PCDH7: variants seen among roughly 807,000 people sequenced by gnomAD.
PCDH7 encodes the protein protocadherin-7.
In PCDH7, 17 loss-of-function variants were observed where a neutral mutation model predicts 58.9. The ratio of observed to expected loss-of-function variants is 0.29; its 90% CI spans 0.20 to 0.43. The LOEUF is 0.43. PCDH7 is among the 20% of genes least tolerant of loss of function. PCDH7 has a pLI of 1.00. For synonymous variants in PCDH7, 664 were observed against 616.4 expected (o/e 1.08, Z -1.14); for missense variants, 1,274 against 1,441.0 (o/e 0.88, Z 1.88).
chr4:30,890,042 T>A (rs1056761966), intron 1 of PCDH7, among the ~76,000 whole-genome samples: 3 of 152,190 alleles, frequency 2.0e-5, no homozygotes, highest in African/African-American at 7.2e-5. Flanking sequence ...TCAGTTCGGC[T>A]TAGGTGTCAG....
chr4:30,954,159 C>G (rs1232777672), intron 3 of PCDH7, among the ~76,000 whole-genome samples: 2 of 152,132 alleles, frequency 1.3e-5, no homozygotes, highest in Non-Finnish European at 2.9e-5. Flanking sequence ...CTCTGCAAGG[C>G]CCTGCACATC....
chr4:31,132,181 G>T (rs568287561), intron 3 of PCDH7, among the ~76,000 whole-genome samples: 2 of 152,204 alleles, frequency 1.3e-5, no homozygotes, highest in South Asian at 4.1e-4. Context: ...TATTGCAGAG[G>T]CTATTTCTTC....
At chr4:31,014,661 A>C (rs774636780) in intron 3 of PCDH7, among the ~76,000 whole-genome samples, 1 of 152,218 alleles carries the variant, frequency 6.6e-6, no homozygotes, top group Non-Finnish European at 1.5e-5. Flanking sequence ...TCTGTCACTT[A>C]CCCACGATGT....
chr4:30,921,893 G>T (rs1376437213), intron 2 of PCDH7, among the ~76,000 whole-genome samples: 1 of 151,810 alleles, frequency 6.6e-6, no homozygotes, highest in African/African-American at 2.4e-5. Context: ...ATGTAATTTG[G>T]ATGTCAGCTT....
intron 3 of PCDH7, among the ~76,000 whole-genome samples, chr4:31,046,210 C>T (rs1449371649): frequency 1.3e-5 from 2 of 151,922 alleles, no homozygotes; most frequent in Non-Finnish European, 2.9e-5. Context: ...TTTCACAACA[C>T]CCCCACTTAA....
intron 3 of PCDH7, among the ~76,000 whole-genome samples, chr4:31,116,827 T>TTTG (rs1218469549): frequency 6.6e-6 from 1 of 152,028 alleles, no homozygotes. Flanking sequence ...GTGGGGTTTT[T>TTTG]TTGTTGTTGT....
At chr4:30,924,006 A>G (rs557806707) in intron 2 of PCDH7, among the ~76,000 whole-genome samples, 1 of 152,354 alleles carries the variant, frequency 6.6e-6, no homozygotes, top group South Asian at 2.1e-4. Flanking sequence ...TAAAAGCACC[A>G]TCTCATTCAA....
At chr4:31,134,227 C>T (rs1206839384) in intron 3 of PCDH7, among the ~76,000 whole-genome samples, 3 of 151,932 alleles carry the variant, frequency 2.0e-5, no homozygotes, top group South Asian at 2.1e-4. Flanking sequence ...TTTGGAAGGC[C>T]GAGGTTGGGG....
At chr4:30,803,223 AT>A (rs552239047) in intron 1 of PCDH7, among the ~76,000 whole-genome samples, 65 of 152,186 alleles carry the variant, frequency 4.3e-4, no homozygotes, top group Non-Finnish European at 8.7e-4. Context: ...ACAGTAGAGC[AT>A]TTTTTTGTTT....
intron 3 of PCDH7, among the ~76,000 whole-genome samples, chr4:31,037,198 C>A (rs79601444): frequency 1.6e-4 from 24 of 152,172 alleles, no homozygotes; most frequent in African/African-American, 5.8e-4. Flanking sequence ...TTTCTCTAAC[C>A]CCATCTCTGC....
chr4:31,099,490 T>C lies in PCDH7; in HGVS notation c.*8-42983T>C, dbSNP rs531944840. Among the ~76,000 whole-genome samples, 35 of 152,348 alleles carry C rather than the reference T, an allele frequency of 2.3e-4. 2 individuals are homozygous for C. The highest frequency in any genetic ancestry group is 7.9e-4 in the African/African-American group (33 of 41,582). On this transcript the variant is annotated intron_variant, in intron 3 of 3. Transcript: ENST00000509759. ...GCAAGATTCATGTTAGGGAAAGTGATGTGGAATAACAGGCTTTGCCTTCAA... is the reference window on the plus strand; with the variant it reads ...GCAAGATTCATGTTAGGGAAAGTGACGTGGAATAACAGGCTTTGCCTTCAA...
intron 1 of PCDH7, among the ~76,000 whole-genome samples, chr4:30,834,902 G>T (rs1730276092): frequency 6.7e-6 from 1 of 150,002 alleles, no homozygotes; most frequent in African/African-American, 2.5e-5. Flanking sequence ...AAACATTGGT[G>T]TTATATATAT....
chr4:31,039,812 G>GTTATA (rs1385156774), intron 3 of PCDH7, among the ~76,000 whole-genome samples: 1 of 152,022 alleles, frequency 6.6e-6, no homozygotes, highest in African/African-American at 2.4e-5. Flanking sequence ...TAAGATCACG[G>GTTATA]AGTAAATTAT....
chr4:31,042,282 T>G (rs1037208375), intron 3 of PCDH7, among the ~76,000 whole-genome samples: 3 of 152,156 alleles, frequency 2.0e-5, no homozygotes, highest in African/African-American at 7.2e-5. Flanking sequence ...GTCATCAAAT[T>G]AGAGTAACAG....
At chr4:31,025,519 A>C (rs543005828) in intron 3 of PCDH7, among the ~76,000 whole-genome samples, 2 of 152,304 alleles carry the variant, frequency 1.3e-5, no homozygotes, top group Admixed American at 6.5e-5. Context: ...TTAAGTACCA[A>C]GGAGATATAT....
At chr4:30,945,121 T>C (rs1231316379) in intron 2 of PCDH7, among the ~76,000 whole-genome samples, 2 of 152,168 alleles carry the variant, frequency 1.3e-5, no homozygotes, top group East Asian at 1.9e-4. Context: ...AAGAAGCATG[T>C]CATATTAAAT....
chr4:30,839,008 T>A (rs1730879019), intron 1 of PCDH7, among the ~76,000 whole-genome samples: 1 of 151,966 alleles, frequency 6.6e-6, no homozygotes, highest in Non-Finnish European at 1.5e-5. Flanking sequence ...AGAGACTGAG[T>A]AAAATCAAGT....
At chr4:31,007,146 C>G (rs942443833) in intron 3 of PCDH7, among the ~76,000 whole-genome samples, 1 of 152,166 alleles carries the variant, frequency 6.6e-6, no homozygotes, top group Non-Finnish European at 1.5e-5. Context: ...CAAAATGACT[C>G]TCCTACATTA....
chr4:30,859,010 G>A (rs546796752), intron 1 of PCDH7, among the ~76,000 whole-genome samples: 9 of 152,150 alleles, frequency 5.9e-5, no homozygotes, highest in Non-Finnish European at 1.2e-4. Flanking sequence ...CTCTTCTCTA[G>A]CTTTCATCCT....
Sources: gnomAD v4.1 joint callset for allele counts (sites outside exome capture counted in the v4.1 genomes callset) on GRCh38, gnomAD v4.1.1 for gene constraint, MANE v1.5 for transcripts, NCBI Gene and HGNC (gene_info 2026-07-23, HGNC 2026-07-21) for gene names.